The following SLC1A2 variants were observed in gnomAD, a reference collection of about 807,000 sequenced individuals.
SLC1A2 encodes the protein solute carrier family 1 member 2, also known as excitatory amino acid transporter 2.
Under a neutral mutation model 48.8 loss-of-function variants are expected in SLC1A2, and 15 were observed. The observed-to-expected ratio is 0.31, with a 90% CI of 0.21 to 0.47. The LOEUF is 0.47. Ranked by LOEUF, SLC1A2 falls within the 20% of genes least tolerant of loss-of-function variation. SLC1A2 has a pLI of 0.99. For synonymous variants in SLC1A2, 279 were observed against 272.6 expected (o/e 1.02, Z -0.23); for missense variants, 502 against 730.5 (o/e 0.69, Z 3.61).
intron 1 of SLC1A2, chr11:35,322,451 TCCACC>T: frequency 3.0e-6 from 2 of 663,314 alleles, no homozygotes; most frequent in Admixed American, 5.3e-5. Flanking sequence ...AACTCTTTTT[TCCACC>T]TTCACTGATT....
At chr11:35,343,839 G>GGC (rs923136660) in intron 1 of SLC1A2, among the ~76,000 whole-genome samples, 12 of 151,126 alleles carry the variant, frequency 7.9e-5, no homozygotes, top group South Asian at 2.1e-4. Flanking sequence ...GACACACACA[G>GGC]GCACACACAC....
intron 2 of SLC1A2, chr11:35,315,494 T>C (rs1197606172): frequency 4.0e-6 from 1 of 252,380 alleles, no homozygotes; most frequent in Non-Finnish European, 8.0e-6. Flanking sequence ...AAATTGTTTA[T>C]AGAAATAAAC....
chr11:35,375,630 C>T (rs1267734087), intron 1 of SLC1A2, among the ~76,000 whole-genome samples: 2 of 152,174 alleles, frequency 1.3e-5, no homozygotes, highest in African/African-American at 2.4e-5. Flanking sequence ...CCACGAGAAC[C>T]ATGTCTAAAA....
At position 35,312,245 on chromosome 11, in the gene SLC1A2, T is replaced by A; in HGVS notation, c.514A>T (p.Ile172Phe). Residue 172 changes from isoleucine (I) to phenylalanine (F), a missense_variant, in exon 4 of 11, where the codon ATT becomes TTT. Coordinates refer to ENST00000278379, the MANE Select transcript of SLC1A2 (RefSeq NM_004171.4). ...VSSLDAFLDL[I>F]RNLFPENLVQ... is the part of the protein sequence containing the mutation. ...AGGTTTTCAGGGAAGAGATTTCGAA[T>A]AAGGTCCAGGAAGGCATCCAGGCTG... 6.2e-7 allele frequency: 1 copy of A among 1,614,130 alleles called. No homozygotes were observed. The highest frequency in any genetic ancestry group is 8.5e-7 in the Non-Finnish European group (1 of 1,179,980).
intron 1 of SLC1A2, among the ~76,000 whole-genome samples, chr11:35,398,224 G>T (rs968497181): frequency 2.0e-5 from 3 of 151,964 alleles, no homozygotes; most frequent in South Asian, 2.1e-4. Context: ...TTTTGAAGGG[G>T]ATAGAAAAAA....
At chr11:35,418,886 T>G in intron 1 of SLC1A2, 64 bp downstream of exon 1, 2 of 1,465,088 alleles carry the variant, frequency 1.4e-6, no homozygotes, top group Non-Finnish European at 1.9e-6. Flanking sequence ...GCATCCCGGA[T>G]AGGGGCGCCA....
At chr11:35,351,935 T>C (rs1853274397) in intron 1 of SLC1A2, among the ~76,000 whole-genome samples, 1 of 152,168 alleles carries the variant, frequency 6.6e-6, no homozygotes, top group African/African-American at 2.4e-5. Flanking sequence ...CATCTGGCCC[T>C]GATCATAATT....
chr11:35,299,345 C>G (rs932616478), intron 6 of SLC1A2: 3 of 124,222 alleles, frequency 2.4e-5, no homozygotes, highest in Admixed American at 1.7e-4. Flanking sequence ...CTCTCTCTCT[C>G]TCTCTCTCTG....
At chr11:35,263,984 A>T (rs568880051) in intron 10 of SLC1A2, 40 of 152,358 alleles carry the variant, frequency 2.6e-4, no homozygotes, top group African/African-American at 9.6e-4. Context: ...TAACATTTTG[A>T]TGGGGAATAA....
At chr11:35,314,765 G>A (rs1047830036) in intron 3 of SLC1A2, among the ~76,000 whole-genome samples, 1 of 148,252 alleles carries the variant, frequency 6.7e-6, no homozygotes, top group African/African-American at 2.5e-5. Context: ...GTAACATGTG[G>A]CTGTGTTTCC....
intron 9 of SLC1A2, among the ~76,000 whole-genome samples, chr11:35,272,570 C>A (rs958571490): frequency 6.6e-6 from 1 of 152,184 alleles, no homozygotes; most frequent in African/African-American, 2.4e-5. Flanking sequence ...GGGCCCAAGG[C>A]AGGACATGGG....
At chr11:35,322,519 T>C in intron 1 of SLC1A2, 1 of 1,231,760 alleles carries the variant, frequency 8.1e-7, no homozygotes, top group South Asian at 1.3e-5. Context: ...AACTGGTGTG[T>C]TTCTCCTGGA....
At chr11:35,293,836 C>CT (rs1322784466) in intron 6 of SLC1A2, among the ~76,000 whole-genome samples, 17 of 152,142 alleles carry the variant, frequency 1.1e-4, no homozygotes, top group Non-Finnish European at 2.1e-4. Flanking sequence ...TATATGAATA[C>CT]TACATAAGAC....
At chr11:35,317,283 G>T (rs1851911759) in intron 2 of SLC1A2, 94 bp downstream of exon 2, 4 of 1,407,664 alleles carry the variant, frequency 2.8e-6, no homozygotes, top group Admixed American at 4.3e-5. Flanking sequence ...CTTCCTTTCT[G>T]GTGGAAGGGC....
At position 35,362,736 on chromosome 11, in the gene SLC1A2, A is replaced by G. The variant is rs116715942; in HGVS notation, c.18-45220T>C. Among the ~76,000 whole-genome samples the G allele has an allele frequency of 7.4e-3, 1,131 of 152,290 alleles. 13 individuals are homozygous for G. The highest frequency in any genetic ancestry group is 0.025 in the African/African-American group (1,040 of 41,568). On this transcript the variant is annotated intron_variant, in intron 1 of 10. Coordinates refer to ENST00000278379, the MANE Select transcript of SLC1A2 (RefSeq NM_004171.4). ...ATGAGCCTTAAATGGCCTTTGAGCA[A>G]CTTTGCTTTTGAGAGTCGCCATGGG...
At chr11:35,382,287 A>G (rs1264849697) in intron 1 of SLC1A2, among the ~76,000 whole-genome samples, 1 of 152,146 alleles carries the variant, frequency 6.6e-6, no homozygotes, top group Non-Finnish European at 1.5e-5. Flanking sequence ...CGATATTTTC[A>G]CTATTACAGA....
At chr11:35,317,272 G>GC in intron 2 of SLC1A2, 105 bp downstream of exon 2, 1 of 1,286,464 alleles carries the variant, frequency 7.8e-7, no homozygotes, top group South Asian at 1.4e-5. Flanking sequence ...AAACCACGTG[G>GC]CTTCCTTTCT....
intron 1 of SLC1A2, among the ~76,000 whole-genome samples, chr11:35,342,700 C>T (rs1053747586): frequency 1.1e-4 from 17 of 151,978 alleles, no homozygotes; most frequent in Non-Finnish European, 1.9e-4. Flanking sequence ...GTGGAAGGAT[C>T]GCTTGAGCCC....
chr11:35,332,375 C>G (rs966549570), intron 1 of SLC1A2, among the ~76,000 whole-genome samples: 5 of 152,190 alleles, frequency 3.3e-5, no homozygotes, highest in Non-Finnish European at 7.3e-5. Context: ...CTGCTCAACT[C>G]GTAAAGTCTC....
Sources: gnomAD v4.1 joint callset for allele counts (sites outside exome capture counted in the v4.1 genomes callset) on GRCh38, gnomAD v4.1.1 for gene constraint, MANE v1.5 for transcripts, NCBI Gene and HGNC (gene_info 2026-07-23, HGNC 2026-07-21) for gene names.